The following AJUBA variants were observed in gnomAD, a reference collection of about 807,000 sequenced individuals.
AJUBA encodes LIM domain-containing protein ajuba.
In AJUBA, 20 loss-of-function variants were observed where a neutral mutation model predicts 53.3. That is an observed-to-expected ratio of 0.38 (90% CI 0.26 to 0.55). The LOEUF (loss-of-function observed/expected upper bound fraction) is 0.55, where lower values mean the gene tolerates loss of function less well. Among genes scored for constraint, AJUBA ranks in the 20% least tolerant of loss-of-function variants. The pLI, the probability that AJUBA is intolerant of heterozygous loss-of-function variation, is 0.80. For missense variants in AJUBA, 580 were observed against 730.5 expected, an observed-to-expected ratio of 0.79 and a Z score of 2.38; for synonymous variants, 296 against 306.2, an observed-to-expected ratio of 0.97 and a Z score of 0.35.
In AJUBA at chr14:22,979,236, G is replaced by A. The variant is rs979269430; in HGVS notation, c.1007-791C>T. The A allele has an allele frequency of 2.6e-6, 2 of 776,962 alleles. No homozygotes were observed. The highest frequency in any genetic ancestry group is 3.1e-6 in the Non-Finnish European group (2 of 640,042). 48.1% of individuals were successfully genotyped at this position (776,962 alleles called of 1,614,324 possible). ...TGGCTCTGGGACTTGCCTTTCCTGG[G>A]TGTGTTCTTCCCTCCCTCCACTCCC... On this transcript the variant is annotated intron_variant, in intron 1 of 7. Coordinates refer to ENST00000262713, the MANE Select transcript of AJUBA (RefSeq NM_032876.6). This position sits in a 1 kb window ranked among gnomAD's most constrained non-coding sequence, Gnocchi z 4.0.
Position 22,981,630 on chromosome 14 carries a change from G to T in AJUBA, c.637C>A (p.Arg213=). The change falls in exon 1 of 8, where the codon CGA becomes AGA. Residue 213 remains arginine (R), a synonymous_variant. Transcript: ENST00000262713. ...AYPELHAALD[R]LYAQRPAGFG... ...CCCGCGGGCCGCTGAGCGTACAATC[G>T]GTCCAGGGCGGCGTGGAGCTCCGGG... 6.6e-7 allele frequency: 1 copy of T among 1,512,648 alleles called. No homozygotes were observed. The highest frequency in any genetic ancestry group is 8.8e-7 in the Non-Finnish European group (1 of 1,132,058). 93.7% of individuals were successfully genotyped at this position (1,512,648 alleles called of 1,614,324 possible).
In AJUBA at chr14:22,981,466, G is replaced by A. The variant is rs1434696772; in HGVS notation, c.801C>T (p.Tyr267=). 2.5e-6 allele frequency: 4 copies of A among 1,607,382 alleles called. No homozygotes were observed. In the East Asian group the frequency reaches 6.7e-5, roughly 27 times the overall value. Residue 267 remains tyrosine (Y), a synonymous_variant, in exon 1 of 8, where the codon TAC becomes TAT. Coordinates refer to ENST00000262713, the MANE Select transcript of AJUBA (RefSeq NM_032876.6). The part of the protein sequence containing the change: ...AQPGRHSVTG[Y]GDCAVGARYQ... ...ACCGGGCGCCCACGGCGCAGTCCCCGTAGCCGGTCACAGAGTGTCGTCCGG... is the reference window on the plus strand; with the variant it reads ...ACCGGGCGCCCACGGCGCAGTCCCCATAGCCGGTCACAGAGTGTCGTCCGG...
intron 2 of AJUBA, 78 bp from the exon 3 acceptor site, chr14:22,976,790 C>A: frequency 6.4e-7 from 1 of 1,566,054 alleles, no homozygotes. Flanking sequence ...CTCCCCGCTG[C>A]TGCATAATAT....
intron 1 of AJUBA, chr14:22,980,482 G>T: frequency 3.6e-6 from 2 of 553,838 alleles, no homozygotes; most frequent in South Asian, 7.9e-5. Flanking sequence ...ATAACACAGG[G>T]TCGTTATCCA....
At chr14:22,973,619 AG>A in intron 7 of AJUBA, 51 bp from the exon 8 acceptor site, 1 of 1,606,026 alleles carries the variant, frequency 6.2e-7, no homozygotes. Context: ...TTGGACACTG[AG>A]GGTATCTTAG....
Position 22,978,340 on chromosome 14 carries a change from TCAC to T in AJUBA, c.1108+1_1108+3del, listed in dbSNP as rs2139353439. 1 of 1,612,532 alleles carries T rather than the reference TCAC, an allele frequency of 6.2e-7. No homozygotes were observed. Among genetic ancestry groups the T allele is most frequent in the Non-Finnish European group, 8.5e-7 (1 of 1,178,848 alleles). ...GAGTGCTTGAGTATTGGGGCTACAC[TCAC>T]CACAAGAGCAGCAAACAAAGCACTG... On this transcript the variant is annotated splice_donor_variant and splice_donor_region_variant and intron_variant, in intron 2 of 7. Coordinates refer to ENST00000262713, the MANE Select transcript of AJUBA (RefSeq NM_032876.6). LOFTEE classifies it high-confidence loss of function.
chr14:22,975,530 T>C (rs1364597922), intron 4 of AJUBA, among the ~76,000 whole-genome samples: 2 of 152,130 alleles, frequency 1.3e-5, no homozygotes, highest in African/African-American at 2.4e-5. Flanking sequence ...GAAAACTGAG[T>C]CCCAAGTGAT....
rs890012724 is a variant in AJUBA, at chr14:22,977,236, A to G, written c.1109-524T>C. The G allele has an allele frequency of 7.9e-5, 78 of 986,102 alleles. No homozygotes were observed. In the African/African-American group the frequency reaches 1.3e-3, roughly 16 times the overall value. 61.1% of individuals were successfully genotyped at this position (986,102 alleles called of 1,614,324 possible). A position where few individuals can be genotyped will look rare whatever the true frequency, so the allele number is the denominator to read the frequency against. ...AGGACTGGAGTTACTGCAGAAGGAC[A>G]AAGTGCTTTGTTTGGAAGCAAAGCA... On this transcript the variant is annotated intron_variant, in intron 2 of 7. Coordinates refer to ENST00000262713, the MANE Select transcript of AJUBA (RefSeq NM_032876.6).
In AJUBA at chr14:22,972,951, T is replaced by G. The variant is rs1431353250; in HGVS notation, c.*492A>C. ...TGAAACTAATTGATTTAAAGCTAGG[T>G]CCTCTACTCCTGGAATCCAGGACCA... On this transcript the variant is annotated 3_prime_UTR_variant, in exon 8 of 8. Coordinates refer to ENST00000262713, the MANE Select transcript of AJUBA (RefSeq NM_032876.6). 6.3e-6 allele frequency: 1 copy of G among 158,400 alleles called. No individual in the cohort carries two copies. The highest frequency in any genetic ancestry group is 2.4e-5 in the African/African-American group (1 of 41,514). The allele number at this position is 158,400 out of a possible 1,614,324, so 9.8% of individuals were successfully genotyped here.
chr14:22,976,148 C>CAAAAA (rs1214094875), intron 4 of AJUBA, among the ~76,000 whole-genome samples: 2 of 83,376 alleles, frequency 2.4e-5, no homozygotes, highest in Non-Finnish European at 2.4e-5. Context: ...GACTCTGTCT[C>CAAAAA]AAAAAAAAAA....
chr14:22,978,317 G>A, intron 2 of AJUBA, 27 bp downstream of exon 2: 2 of 1,593,418 alleles, frequency 1.3e-6, no homozygotes, highest in Non-Finnish European at 1.7e-6. Flanking sequence ...GGGGAGGGGA[G>A]TGCTTGAGTA....
rs368135450 is a variant in AJUBA, at chr14:22,976,946, C to A, written c.1109-234G>T. On this transcript the variant is annotated intron_variant, in intron 2 of 7. Coordinates refer to ENST00000262713, the MANE Select transcript of AJUBA (RefSeq NM_032876.6). The stretch of plus-strand genomic sequence containing the variant: ...CTGCTTGCTGCTCCTCCAGCTCCTG[C>A]CTCCTTAACAGTTTTCTAGGGCCCC... 4.1e-5 allele frequency: 57 copies of A among 1,392,184 alleles called. No homozygotes were observed. The East Asian group carries it at 1.1e-3, about 27-fold the overall frequency. 86.2% of individuals were successfully genotyped at this position (1,392,184 alleles called of 1,614,324 possible). A position where few individuals can be genotyped will look rare whatever the true frequency, so the allele number is the denominator to read the frequency against.
intron 2 of AJUBA, chr14:22,977,161 T>C (rs1157199505): frequency 1.0e-6 from 1 of 996,626 alleles, no homozygotes; most frequent in African/African-American, 1.7e-5. Context: ...AGCATATCTA[T>C]CCTGCTCTCA....
intron 1 of AJUBA, 37 bp downstream of exon 1, chr14:22,981,224 G>GGTTA (rs777572955): frequency 4.5e-5 from 69 of 1,546,482 alleles, no homozygotes; most frequent in Non-Finnish European, 6.1e-6. Context: ...ATACCGTGAC[G>GGTTA]GGTCCCTTCC....
Position 22,972,095 on chromosome 14 carries a change from T to C in AJUBA, c.*1348A>G, listed in dbSNP as rs1337096998. On this transcript the variant is annotated 3_prime_UTR_variant, in exon 8 of 8. Coordinates refer to ENST00000262713, the MANE Select transcript of AJUBA (RefSeq NM_032876.6). ...AGGAATTGAGCTTTTGGCAAATTAG[T>C]CATTAAGTCATTAACTTTAAGCAAA... 6.6e-6 allele frequency: 1 copy of C among 152,590 alleles called. No individual in the cohort carries two copies. Among genetic ancestry groups the C allele is most frequent in the Non-Finnish European group, 1.5e-5 (1 of 68,032 alleles). The allele number at this position is 152,590 out of a possible 1,614,324, so 9.5% of individuals were successfully genotyped here.
chr14:22,982,499 C>A lies in AJUBA; in HGVS notation c.-233G>T, dbSNP rs1034627044. ...TGAGCGGGGCTAGCAGGGTCTCTGG[C>A]CGCGGCTGTCCAGTCCGCAGGTCTA... On this transcript the variant is annotated 5_prime_UTR_variant, in exon 1 of 8. Transcript: ENST00000262713. 3.6e-6 allele frequency: 5 copies of A among 1,398,886 alleles called. No homozygotes were observed. In the East Asian group the frequency reaches 1.1e-4, roughly 32 times the overall value. The allele number at this position is 1,398,886 out of a possible 1,614,324, so 86.7% of individuals were successfully genotyped here. A position where few individuals can be genotyped will look rare whatever the true frequency, so the allele number is the denominator to read the frequency against.
At position 22,982,363 on chromosome 14, in the gene AJUBA, CAGGGGCACAGG is replaced by C; in HGVS notation, c.-108_-98del. ...TCCCTGCAGCCGGACTCTGGTTCCCCAGGGGCACAGGGGAGGCACAGGGGCTTAGCGGGCGG... is the reference window on the plus strand; with the variant it reads ...TCCCTGCAGCCGGACTCTGGTTCCCCGGAGGCACAGGGGCTTAGCGGGCGG... On this transcript the variant is annotated 5_prime_UTR_variant, in exon 1 of 8. Transcript: ENST00000262713. 1 of 1,544,168 alleles carries C rather than the reference CAGGGGCACAGG, an allele frequency of 6.5e-7. No homozygotes were observed. The highest frequency in any genetic ancestry group is 8.7e-7 in the Non-Finnish European group (1 of 1,155,512).
At chr14:22,975,262 C>T (rs1161366419) in intron 4 of AJUBA, 158 bp from the exon 5 acceptor site, 4 of 1,039,984 alleles carry the variant, frequency 3.8e-6, no homozygotes, top group Non-Finnish European at 5.4e-6. Flanking sequence ...AAAATGGAGG[C>T]GGAGACCCTG....
At chr14:22,976,922 T>TGCTTGCTGCTCCTCC (rs1361479575) in intron 2 of AJUBA, 34 of 1,403,268 alleles carry the variant, frequency 2.4e-5, no homozygotes, top group Non-Finnish European at 2.9e-5. Context: ...CCCTCTCCTC[T>TGCTTGCTGCTCCTCC]GCTTGCTGCT....
Sources: gnomAD v4.1 joint callset for allele counts (sites outside exome capture counted in the v4.1 genomes callset) on GRCh38, gnomAD v4.1.1 for gene constraint, Gnocchi (gnomAD v3.1) non-coding constraint, MANE v1.5 for transcripts, NCBI Gene and HGNC (gene_info 2026-07-23, HGNC 2026-07-21) for gene names.